Variants in LYPD6 observed in about 807,000 individuals in gnomAD.
The protein encoded by LYPD6 is LY6/PLAUR domain containing 6, also known as ly6/PLAUR domain-containing protein 6.
Under a neutral mutation model 22.7 loss-of-function variants are expected in LYPD6, and 15 were observed. The ratio of observed to expected loss-of-function variants is 0.66; its 90% CI spans 0.44 to 1.02. The LOEUF is 1.02. Among genes scored for constraint, LYPD6 ranks in the 50% least tolerant of loss-of-function variants. LYPD6 has a pLI of 0.00. For missense variants in LYPD6, 189 were observed against 208.4 expected, an observed-to-expected ratio of 0.91 and a Z score of 0.57; for synonymous variants, 72 against 77.5, an observed-to-expected ratio of 0.93 and a Z score of 0.37.
chr2:149,451,825 G>C (rs775186215), intron 3 of LYPD6, among the ~76,000 whole-genome samples: 8 of 152,192 alleles, frequency 5.3e-5, no homozygotes, highest in Admixed American at 4.6e-4. Flanking sequence ...GCCCCTTGGG[G>C]AATTACAAAG....
At chr2:149,478,855 T>G (rs1253163236), downstream of LYPD6, among the ~76,000 whole-genome samples, 1 of 152,116 alleles carries the variant, frequency 6.6e-6, no homozygotes, top group Non-Finnish European at 1.5e-5. Flanking sequence ...AATGATAAAG[T>G]TGAAAGAACT....
At chr2:149,394,536 ATT>A (rs775840816) in intron 1 of LYPD6, among the ~76,000 whole-genome samples, 2 of 152,164 alleles carry the variant, frequency 1.3e-5, no homozygotes, top group Non-Finnish European at 2.9e-5. Flanking sequence ...TGATAATAAA[ATT>A]TGTTTTTTTG....
At chr2:149,395,917 T>C (rs1020971349) in intron 1 of LYPD6, among the ~76,000 whole-genome samples, 1 of 152,224 alleles carries the variant, frequency 6.6e-6, no homozygotes, top group African/African-American at 2.4e-5. Context: ...ATGATGGTAA[T>C]GGATTTGCTG....
At chr2:149,437,182 G>GT (rs1683451547) in intron 1 of LYPD6, among the ~76,000 whole-genome samples, 2 of 152,134 alleles carry the variant, frequency 1.3e-5, no homozygotes, top group African/African-American at 4.8e-5. Context: ...TCCTGTATTT[G>GT]TTTGTTTTCC....
intron 1 of LYPD6, among the ~76,000 whole-genome samples, chr2:149,401,456 C>G (rs566833174): frequency 6.6e-6 from 1 of 152,348 alleles, no homozygotes; most frequent in South Asian, 2.1e-4. Flanking sequence ...ATCTGGAAGG[C>G]TCTGTCTGTG....
At chr2:149,402,770 T>A (rs1209697742) in intron 1 of LYPD6, among the ~76,000 whole-genome samples, 1 of 152,144 alleles carries the variant, frequency 6.6e-6, no homozygotes, top group African/African-American at 2.4e-5. Context: ...AGGGTACATG[T>A]GCACAACGTG....
chr2:149,447,351 T>C (rs1239094656), intron 2 of LYPD6, among the ~76,000 whole-genome samples: 2 of 152,106 alleles, frequency 1.3e-5, no homozygotes, highest in Non-Finnish European at 2.9e-5. Context: ...TGGAGGACAG[T>C]TCCTTCTGAA....
chr2:149,455,734 A>G (rs895462204), intron 3 of LYPD6, among the ~76,000 whole-genome samples: 2 of 152,002 alleles, frequency 1.3e-5, no homozygotes, highest in African/African-American at 4.8e-5. Context: ...TATCCTGACC[A>G]CTGTTCACCA....
chr2:149,414,487 T>C (rs1354666564), intron 1 of LYPD6, among the ~76,000 whole-genome samples: 2 of 152,204 alleles, frequency 1.3e-5, no homozygotes, highest in Non-Finnish European at 2.9e-5. Context: ...AATCAAAACA[T>C]TGGCCTTTAG....
At chr2:149,368,344 A>G (rs1329589263) in intron 1 of LYPD6, among the ~76,000 whole-genome samples, 1 of 152,100 alleles carries the variant, frequency 6.6e-6, no homozygotes, top group African/African-American at 2.4e-5. Flanking sequence ...TTCAGTATGG[A>G]TGGAGTTTAG....
At chr2:149,438,506 C>T (rs1338404762) in intron 2 of LYPD6, among the ~76,000 whole-genome samples, 1 of 152,228 alleles carries the variant, frequency 6.6e-6, no homozygotes, top group African/African-American at 2.4e-5. Context: ...TATGAATCCT[C>T]TTCTGTATTG....
chr2:149,460,613 A>G (rs939663481), intron 3 of LYPD6, among the ~76,000 whole-genome samples: 1 of 152,182 alleles, frequency 6.6e-6, no homozygotes, highest in Non-Finnish European at 1.5e-5. Flanking sequence ...AGAAGAATTC[A>G]ACAGCACCAT....
At chr2:149,457,084 T>G (rs1487974552) in intron 3 of LYPD6, among the ~76,000 whole-genome samples, 19 of 152,232 alleles carry the variant, frequency 1.2e-4, no homozygotes, top group Admixed American at 1.2e-3. Context: ...CTAGGACTTA[T>G]CATTCTTGTT....
At chr2:149,376,267 T>G (rs1681919547) in intron 1 of LYPD6, among the ~76,000 whole-genome samples, 1 of 152,212 alleles carries the variant, frequency 6.6e-6, no homozygotes, top group African/African-American at 2.4e-5. Flanking sequence ...TTGGCAAGAT[T>G]GAAGAGCTTT....
chr2:149,370,994 G>A (rs1168584265), intron 1 of LYPD6, among the ~76,000 whole-genome samples: 1 of 152,172 alleles, frequency 6.6e-6, no homozygotes, highest in Non-Finnish European at 1.5e-5. Flanking sequence ...AATGACAACT[G>A]TACAAGAATT....
At chr2:149,486,063 A>G in the LYPD6 span, among the ~76,000 whole-genome samples, 1 of 152,220 alleles carries the variant, frequency 6.6e-6, no homozygotes, top group Non-Finnish European at 1.5e-5. Flanking sequence ...ACAAAAAGAT[A>G]TAGACCTTCA....
At chr2:149,354,921 GA>G (rs1269685528) in intron 1 of LYPD6, among the ~76,000 whole-genome samples, 1 of 152,164 alleles carries the variant, frequency 6.6e-6, no homozygotes, top group Non-Finnish European at 1.5e-5. Context: ...GAAAGCTCGT[GA>G]GCCCTGAGAA....
chr2:149,399,357 A>G (rs1188378541), intron 1 of LYPD6, among the ~76,000 whole-genome samples: 2 of 152,232 alleles, frequency 1.3e-5, no homozygotes, highest in African/African-American at 2.4e-5. Context: ...ATAATTGTTC[A>G]TAGTACCACC....
intron 1 of LYPD6, among the ~76,000 whole-genome samples, chr2:149,393,757 A>G (rs556467294): frequency 6.6e-6 from 1 of 152,326 alleles, no homozygotes; most frequent in East Asian, 1.9e-4. Flanking sequence ...ACCGTGAGAG[A>G]TGAGATTAGC....
Sources: allele counts gnomAD v4.1 joint callset (sites outside exome capture counted in the v4.1 genomes callset), GRCh38; gene constraint gnomAD v4.1.1; transcripts MANE v1.5; gene names NCBI Gene and HGNC (gene_info 2026-07-23, HGNC 2026-07-21).